The following RASSF5 variants were observed in gnomAD, a reference collection of about 807,000 sequenced individuals.
The protein encoded by RASSF5 is ras association domain-containing protein 5.
A neutral mutation model predicts 40.5 loss-of-function variants in RASSF5; 25 were observed. That is an observed-to-expected ratio of 0.62 (90% CI 0.45 to 0.86). The LOEUF is 0.86. RASSF5 is among the 40% of genes least tolerant of loss of function. The probability of loss-of-function intolerance (pLI) is 0.00; values close to 1 mark genes in which losing one functional copy is unlikely to be tolerated. For synonymous variants in RASSF5, 246 were observed against 252.4 expected, an observed-to-expected ratio of 0.97 and a Z score of 0.24; for missense variants, 521 against 572.8, an observed-to-expected ratio of 0.91 and a Z score of 0.92.
Position 206,511,687 on chromosome 1 carries a change from C to G in RASSF5, c.457+3628C>G, listed in dbSNP as rs146223180. ...GTGATAGATTTTAATGATGTGACTA[C>G]AAGGCCCTGCCATGCAGCCCTCGGG... On this transcript the variant is annotated intron_variant, in intron 1 of 5. Transcript: ENST00000579436. Among the ~76,000 whole-genome samples the G allele has an allele frequency of 3.3e-5, 5 of 152,322 alleles. No homozygotes were observed. The East Asian group carries it at 9.6e-4, about 29-fold the overall frequency.
At chr1:206,510,358 C>G (rs1666584743) in intron 1 of RASSF5, among the ~76,000 whole-genome samples, 1 of 152,106 alleles carries the variant, frequency 6.6e-6, no homozygotes, top group Admixed American at 6.5e-5. Flanking sequence ...TCCTGGACAT[C>G]TCTGTGTTCT....
chr1:206,526,269 A>AATGTGTGTGT (rs140176125), intron 1 of RASSF5, among the ~76,000 whole-genome samples: 1 of 143,034 alleles, frequency 7.0e-6, no homozygotes, highest in Non-Finnish European at 1.5e-5. Flanking sequence ...GCTTTCTGGC[A>AATGTGTGTGT]GTGTGTGTGT....
intron 2 of RASSF5, among the ~76,000 whole-genome samples, chr1:206,573,942 C>T (rs1028306427): frequency 2.0e-5 from 3 of 152,252 alleles, no homozygotes; most frequent in African/African-American, 4.8e-5. Flanking sequence ...TGTGGCCCAG[C>T]GTGCAAGGCA....
At chr1:206,524,638 A>T (rs1313833154) in intron 1 of RASSF5, among the ~76,000 whole-genome samples, 1 of 127,824 alleles carries the variant, frequency 7.8e-6, no homozygotes, top group South Asian at 2.2e-4. Flanking sequence ...TAATATATAA[A>T]ATATATATTA....
intron 1 of RASSF5, among the ~76,000 whole-genome samples, chr1:206,516,040 C>T (rs1302251129): frequency 6.6e-6 from 1 of 152,156 alleles, no homozygotes; most frequent in African/African-American, 2.4e-5. Context: ...TCTGGAGGTA[C>T]CTTTATATAA....
At chr1:206,547,841 G>A (rs1246494334) in intron 2 of RASSF5, among the ~76,000 whole-genome samples, 2 of 152,000 alleles carry the variant, frequency 1.3e-5, no homozygotes, top group East Asian at 1.9e-4. Context: ...TATTCATTTG[G>A]TTACCATTTC....
intron 1 of RASSF5, among the ~76,000 whole-genome samples, chr1:206,509,949 G>A (rs1046488748): frequency 2.4e-4 from 37 of 152,110 alleles, no homozygotes; most frequent in African/African-American, 9.7e-5. Context: ...TTTCCTGGGC[G>A]CTCATGGTCC....
intron 1 of RASSF5, among the ~76,000 whole-genome samples, chr1:206,537,698 A>C (rs940108415): frequency 1.3e-5 from 2 of 152,174 alleles, no homozygotes; most frequent in African/African-American, 4.8e-5. Flanking sequence ...CAGATTTTGG[A>C]GCATCTTGGA....
chr1:206,536,879 G>T (rs1667427616), intron 1 of RASSF5, among the ~76,000 whole-genome samples: 1 of 152,068 alleles, frequency 6.6e-6, no homozygotes, highest in Admixed American at 6.5e-5. Flanking sequence ...GGGCCTTCTG[G>T]CCGAGCTGAG....
rs972941489 is a variant in RASSF5, at chr1:206,545,353, T to G, written c.579+7060T>G. ...TTTTAGGAATTTCTTGTGTTTTTTT[T>G]TTTTTTTTTTTTAACAGACAGGGTC... On this transcript the variant is annotated intron_variant, in intron 2 of 5. Coordinates refer to ENST00000579436, the MANE Select transcript of RASSF5 (RefSeq NM_182663.4). Among the ~76,000 whole-genome samples the G allele has an allele frequency of 4.2e-4, 63 of 151,582 alleles. 1 individual carries two copies. Among genetic ancestry groups the G allele is most frequent in the Middle Eastern group, 3.4e-3 (1 of 294 alleles).
rs562530047 is a variant in RASSF5 at position 206,588,829 on chromosome 1, A to C, written c.*1851A>C. 3.0e-4 allele frequency: 46 copies of C among 152,850 alleles called. No individual in the cohort carries two copies. The highest frequency in any genetic ancestry group is 1.1e-3 in the African/African-American group (44 of 41,544). 9.5% of individuals were successfully genotyped at this position (152,850 alleles called of 1,614,324 possible). On this transcript the variant is annotated 3_prime_UTR_variant, in exon 6 of 6. Transcript: ENST00000579436. ...TGTATATTAAAGGGAGCAGGTGGAG[A>C]GTCATTTTCCTTCGTCCTGCATGTC...
intron 2 of RASSF5, among the ~76,000 whole-genome samples, chr1:206,561,257 T>G (rs187432630): frequency 3.3e-5 from 5 of 152,344 alleles, no homozygotes; most frequent in South Asian, 2.1e-4. Context: ...GAGCCAGGAC[T>G]AACACCCCTC....
chr1:206,555,576 A>G, intron 2 of RASSF5, among the ~76,000 whole-genome samples: 1 of 151,962 alleles, frequency 6.6e-6, no homozygotes, highest in East Asian at 1.9e-4. Context: ...ACCTACTTTC[A>G]CCCCCATTAA....
At position 206,584,985 on chromosome 1, in the gene RASSF5, CT is replaced by C. The variant is rs2103572732; in HGVS notation, c.989-192del. The C allele has an allele frequency of 8.2e-6, 5 of 612,820 alleles. No homozygotes were observed. In the East Asian group the frequency reaches 1.1e-4, roughly 13 times the overall value. The allele number at this position is 612,820 out of a possible 1,614,324, so 38.0% of individuals were successfully genotyped here. ...AGGAGATGATGTGAATGGAATCATGCTTTAAACTCTGAGCAGACACCCAAGA... is the reference window on the plus strand; with the variant it reads ...AGGAGATGATGTGAATGGAATCATGCTTAAACTCTGAGCAGACACCCAAGA... On this transcript the variant is annotated intron_variant, in intron 4 of 5. Coordinates refer to ENST00000579436, the MANE Select transcript of RASSF5 (RefSeq NM_182663.4). This position sits in a 1 kb window ranked among gnomAD's most constrained non-coding sequence, Gnocchi z 4.9.
At chr1:206,551,541 T>C (rs1667840998) in intron 2 of RASSF5, among the ~76,000 whole-genome samples, 1 of 152,148 alleles carries the variant, frequency 6.6e-6, no homozygotes, top group Non-Finnish European at 1.5e-5. Context: ...CACAGGAGCC[T>C]CTCCAAGGCC....
intron 1 of RASSF5, chr1:206,529,636 C>T (rs564153847): frequency 5.2e-6 from 4 of 764,436 alleles, no homozygotes; most frequent in Non-Finnish European, 9.5e-6. Flanking sequence ...GTCCTGGGTC[C>T]CAAGTCTGTG....
At chr1:206,549,941 G>A (rs375597465) in intron 2 of RASSF5, among the ~76,000 whole-genome samples, 10 of 152,140 alleles carry the variant, frequency 6.6e-5, no homozygotes, top group Admixed American at 6.5e-4. Context: ...CAGTAAGCAC[G>A]CAGGTGAATA....
At chr1:206,586,737 G>C in intron 5 of RASSF5, 89 bp from the exon 6 acceptor site, 1 of 980,768 alleles carries the variant, frequency 1.0e-6, no homozygotes, top group Non-Finnish European at 1.6e-6. Flanking sequence ...AACTGGGAAG[G>C]GGAAGGCAGC....
chr1:206,572,288 C>G (rs1668477964), intron 2 of RASSF5, among the ~76,000 whole-genome samples: 1 of 152,168 alleles, frequency 6.6e-6, no homozygotes, highest in African/African-American at 2.4e-5. Context: ...AGTGAACAAG[C>G]CAAAGACCCT....
Sources: gnomAD v4.1 joint callset for allele counts (sites outside exome capture counted in the v4.1 genomes callset) on GRCh38, gnomAD v4.1.1 for gene constraint, Gnocchi (gnomAD v3.1) non-coding constraint, MANE v1.5 for transcripts, NCBI Gene and HGNC (gene_info 2026-07-23, HGNC 2026-07-21) for gene names.